TXNDC11: variants seen among roughly 807,000 people sequenced by gnomAD.
TXNDC11 encodes the protein thioredoxin domain containing 11.
Under a neutral mutation model 78.0 loss-of-function variants are expected in TXNDC11, and 68 were observed. That is an observed-to-expected ratio of 0.87 (90% confidence interval 0.72 to 1.07). The LOEUF (loss-of-function observed/expected upper bound fraction) is 1.07. TXNDC11 is among the 50% of genes least tolerant of loss of function. TXNDC11 has a pLI of 0.00. For missense variants in TXNDC11, 1,389 were observed against 1,221.8 expected (o/e 1.14, Z -2.04); for synonymous variants, 571 against 495.2 (o/e 1.15, Z -2.03).
intron 1 of TXNDC11, among the ~76,000 whole-genome samples, chr16:11,736,839 A>C (rs1416220242): frequency 2.0e-5 from 3 of 152,212 alleles, no homozygotes. Flanking sequence ...ATTTAACTGG[A>C]AAATGGGCTT....
intron 1 of TXNDC11, 128 bp downstream of exon 1, chr16:11,742,349 G>A (rs2052425705): frequency 5.6e-6 from 4 of 715,252 alleles, no homozygotes; most frequent in African/African-American, 1.9e-5. Flanking sequence ...TCCGGGAGGG[G>A]TCAGCCGTCC....
chr16:11,719,325 G>A (rs2051634734), intron 5 of TXNDC11, among the ~76,000 whole-genome samples: 1 of 152,204 alleles, frequency 6.6e-6, no homozygotes, highest in South Asian at 2.1e-4. Context: ...GCTTATTTAA[G>A]CTGGCAGTAT....
intron 4 of TXNDC11, among the ~76,000 whole-genome samples, chr16:11,726,266 A>C (rs1387088103): frequency 2.0e-5 from 3 of 152,090 alleles, no homozygotes; most frequent in African/African-American, 7.2e-5. Context: ...AAGCCAAATA[A>C]AATATTTTCC....
At chr16:11,691,096 G>A in intron 8 of TXNDC11, 194 bp downstream of exon 8, 1 of 577,854 alleles carries the variant, frequency 1.7e-6, no homozygotes, top group Non-Finnish European at 3.0e-6. Context: ...TCAGAGTGAG[G>A]AAGTTTCTGT....
rs61738739 is a variant in TXNDC11, at chr16:11,688,417, G to C, written c.1929C>G (p.Leu643=). The change falls in exon 9 of 12, where the codon CTC becomes CTG. Residue 643 remains leucine (L), a synonymous_variant. Coordinates refer to ENST00000283033, the MANE Select transcript of TXNDC11 (RefSeq NM_015914.7). ...TGAGATGCCTTTTCAAGGGACTATAGAGAACGCTGAAGTTTTGAATAAAAG... is the reference window on the plus strand; with the variant it reads ...TGAGATGCCTTTTCAAGGGACTATACAGAACGCTGAAGTTTTGAATAAAAG... ...LESFIQNFSV[L]YSPLKRHLIG... is the part of the protein sequence containing the mutation. 1,930 of 1,612,858 alleles carry C rather than the reference G, an allele frequency of 1.2e-3. 3 individuals carry two copies. Among genetic ancestry groups the C allele is most frequent in the Non-Finnish European group, 1.5e-3 (1,814 of 1,179,488 alleles).
intron 10 of TXNDC11, among the ~76,000 whole-genome samples, chr16:11,687,012 C>T (rs1331041175): frequency 6.6e-6 from 1 of 152,192 alleles, no homozygotes; most frequent in African/African-American, 2.4e-5. Flanking sequence ...AACATAGTAA[C>T]TCCTCAGATT....
chr16:11,686,756 T>C (rs2050577054), intron 10 of TXNDC11, among the ~76,000 whole-genome samples: 1 of 152,242 alleles, frequency 6.6e-6, no homozygotes, highest in Non-Finnish European at 1.5e-5. Flanking sequence ...CTCACATCCT[T>C]TGTTCAGAAT....
chr16:11,695,489 G>A (rs1199959209), intron 7 of TXNDC11, among the ~76,000 whole-genome samples: 1 of 152,148 alleles, frequency 6.6e-6, no homozygotes, highest in East Asian at 1.9e-4. Flanking sequence ...CTCTTTCGTG[G>A]TCAACAAGCT....
At chr16:11,737,543 C>A (rs72782714) in intron 1 of TXNDC11, among the ~76,000 whole-genome samples, 186 of 151,566 alleles carry the variant, frequency 1.2e-3, no homozygotes, top group Non-Finnish European at 1.5e-3. Flanking sequence ...TAGACTTAAA[C>A]CCAACTACCT....
In TXNDC11 at chr16:11,700,555, C is replaced by T. The variant is rs760716099; in HGVS notation, c.803G>A (p.Gly268Glu). Reference protein sequence around the residue: ...ALHSLKKDYLGTVRFGVITNK... With the variant: ...ALHSLKKDYLETVRFGVITNK... ...TGTGATAACCCCAAATCGTACTGTT[C>T]CTAGGTAATCTGAAACAGAAAATTT... The change falls in exon 6 of 12, where the codon GGA (glycine) becomes GAA (glutamate). Residue 268 changes from glycine to glutamate, a missense_variant. Coordinates refer to ENST00000283033, the MANE Select transcript of TXNDC11 (RefSeq NM_015914.7). 4 of 1,575,578 alleles carry T rather than the reference C, an allele frequency of 2.5e-6. No homozygotes were observed. Among genetic ancestry groups the T allele is most frequent in the Admixed American group, 3.4e-5 (2 of 59,050 alleles).
At chr16:11,742,201 C>G (rs2052417948) in intron 1 of TXNDC11, 2 of 402,366 alleles carry the variant, frequency 5.0e-6, no homozygotes, top group Middle Eastern at 6.4e-4. Flanking sequence ...GTGACTCCAA[C>G]AGGTGAGGAG....
intron 5 of TXNDC11, among the ~76,000 whole-genome samples, chr16:11,709,960 C>T (rs1272802690): frequency 6.6e-6 from 1 of 152,086 alleles, no homozygotes; most frequent in Admixed American, 6.5e-5. Context: ...CACACCACCA[C>T]GGTGAAACCC....
intron 7 of TXNDC11, among the ~76,000 whole-genome samples, chr16:11,693,833 C>A (rs35722622): frequency 0.38 from 57,086 of 152,010 alleles, 12,096 homozygotes; most frequent in Non-Finnish European, 0.49. Flanking sequence ...CAGATGCCCT[C>A]TGGCCCCATC....
chr16:11,689,087 CTTTTT>C (rs34967613), intron 8 of TXNDC11, among the ~76,000 whole-genome samples: 2 of 143,156 alleles, frequency 1.4e-5, no homozygotes, highest in South Asian at 4.4e-4. Context: ...TTGAATTTCA[CTTTTT>C]TTTTTTTTTT....
chr16:11,736,161 G>C lies in TXNDC11; in HGVS notation c.327C>G (p.Asp109Glu). The change falls in exon 2 of 12, where the codon GAC (aspartate) becomes GAG (glutamate). Residue 109 changes from aspartate to glutamate, a missense_variant. Coordinates refer to ENST00000283033, the MANE Select transcript of TXNDC11 (RefSeq NM_015914.7). ...SFFSLRSPVL[D>E]LFQGQLDYAE... is the part of the protein sequence containing the mutation. ...CATAATCCAGCTGCCCCTGGAAGAG[G>C]TCAAGGACTGGAGACCTCAAGGAGA... 2 of 1,614,190 alleles carry C rather than the reference G, an allele frequency of 1.2e-6. No individual in the cohort carries two copies.
chr16:11,733,279 GATAAA>G (rs1268778054), intron 3 of TXNDC11, among the ~76,000 whole-genome samples: 2 of 151,648 alleles, frequency 1.3e-5, no homozygotes, highest in Non-Finnish European at 2.9e-5. Flanking sequence ...AATAAAATAA[GATAAA>G]ATAAAACTCT....
rs192617601 is a variant in TXNDC11, at chr16:11,703,682, T to C, written c.794-3118A>G. ...CCAAAGAGCATACCTAGCACGTAGA[T>C]CTTGGTTTCTAAATGCCATTCTCCA... On this transcript the variant is annotated intron_variant, in intron 5 of 11. Transcript: ENST00000283033. 1,259 of 702,796 alleles carry C rather than the reference T, an allele frequency of 1.8e-3. 13 individuals carry two copies. In the African/African-American group the frequency reaches 0.02, roughly 11 times the overall value. The allele number at this position is 702,796 out of a possible 1,614,324, so 43.5% of individuals were successfully genotyped here. A position where few individuals can be genotyped will look rare whatever the true frequency, so the allele number is the denominator to read the frequency against.
At chr16:11,703,929 T>C (rs2051105241) in intron 5 of TXNDC11, among the ~76,000 whole-genome samples, 1 of 152,164 alleles carries the variant, frequency 6.6e-6, no homozygotes, top group South Asian at 2.1e-4. Context: ...CCATCTCTAC[T>C]AAAAATACAA....
At chr16:11,694,629 G>C (rs1362005871) in intron 7 of TXNDC11, among the ~76,000 whole-genome samples, 1 of 152,038 alleles carries the variant, frequency 6.6e-6, no homozygotes, top group East Asian at 1.9e-4. Context: ...TATATTTTTA[G>C]TAGAGACGAG....
Sources: allele counts gnomAD v4.1 joint callset (sites outside exome capture counted in the v4.1 genomes callset), GRCh38; gene constraint gnomAD v4.1.1; transcripts MANE v1.5; gene names NCBI Gene and HGNC (gene_info 2026-07-23, HGNC 2026-07-21).